Variants in TMEM132D observed in about 807,000 individuals in gnomAD.
The protein encoded by TMEM132D is mature OL transmembrane protein.
A neutral mutation model predicts 62.3 loss-of-function variants in TMEM132D; 21 were observed. The ratio of observed to expected loss-of-function variants is 0.34; its 90% CI spans 0.24 to 0.49. TMEM132D has a LOEUF of 0.49. TMEM132D is among the 20% of genes least tolerant of loss of function. The probability of loss-of-function intolerance (pLI) is 0.99; values close to 1 mark genes in which losing one functional copy is unlikely to be tolerated. For missense variants in TMEM132D, 1,346 were observed against 1,402.8 expected (o/e 0.96, Z 0.65); for synonymous variants, 621 against 575.6 (o/e 1.08, Z -1.13).
At chr12:129,681,556 T>A (rs149743292) in intron 2 of TMEM132D, 131 of 152,352 alleles carry the variant, frequency 8.6e-4, no homozygotes, top group African/African-American at 3.1e-3. Context: ...GGATTTCTAA[T>A]ATGCTGGCTC....
intron 3 of TMEM132D, among the ~76,000 whole-genome samples, chr12:129,432,635 G>A (rs1872693622): frequency 6.6e-6 from 1 of 152,210 alleles, no homozygotes; most frequent in East Asian, 1.9e-4. Context: ...ACCAAGAGTA[G>A]ACATTTGCAG....
chr12:129,663,814 G>T (rs146319022), intron 2 of TMEM132D, among the ~76,000 whole-genome samples: 1 of 152,116 alleles, frequency 6.6e-6, no homozygotes, highest in Non-Finnish European at 1.5e-5. Context: ...CACAAAATAC[G>T]CTGCTTTGCA....
At chr12:129,136,174 G>A (rs1366695506) in intron 5 of TMEM132D, among the ~76,000 whole-genome samples, 2 of 152,134 alleles carry the variant, frequency 1.3e-5, no homozygotes, top group South Asian at 2.1e-4. Flanking sequence ...TAGAATTAAA[G>A]AGGAGTTGAA....
intron 1 of TMEM132D, among the ~76,000 whole-genome samples, chr12:129,745,632 C>T (rs567203546): frequency 3.0e-4 from 45 of 152,324 alleles, no homozygotes; most frequent in African/African-American, 1.0e-3. Flanking sequence ...TAACACTAAA[C>T]AGTTACCATC....
chr12:129,662,791 CAAAAAAAAAAAAAA>C (rs34743737), intron 2 of TMEM132D, among the ~76,000 whole-genome samples: 3 of 69,404 alleles, frequency 4.3e-5, no homozygotes, highest in African/African-American at 1.6e-4. Context: ...GATTCCATCT[CAAAAAAAAAAAAAA>C]AAAAAAAAGA....
At chr12:129,607,395 A>C (rs2137148136) in intron 2 of TMEM132D, among the ~76,000 whole-genome samples, 1 of 152,294 alleles carries the variant, frequency 6.6e-6, no homozygotes, top group South Asian at 2.1e-4. Context: ...GGCATGCAGA[A>C]TTCCTACGAA....
chr12:129,726,452 A>C (rs1367369062), intron 1 of TMEM132D, among the ~76,000 whole-genome samples: 1 of 152,164 alleles, frequency 6.6e-6, no homozygotes, highest in African/African-American at 2.4e-5. Context: ...GCCTCAGCTC[A>C]TGAAAGGCAT....
intron 4 of TMEM132D, among the ~76,000 whole-genome samples, chr12:129,246,718 A>T (rs1016487065): frequency 6.6e-6 from 1 of 151,968 alleles, no homozygotes; most frequent in African/African-American, 2.4e-5. Context: ...GTGAGCTGAG[A>T]TCACACCACT....
intron 2 of TMEM132D, among the ~76,000 whole-genome samples, chr12:129,596,822 C>T (rs1013200412): frequency 4.6e-5 from 7 of 151,956 alleles, no homozygotes; most frequent in Non-Finnish European, 8.8e-5. Context: ...ATCCACCCCC[C>T]GCCAATAAAG....
At chr12:129,680,125 T>G (rs1056794352) in intron 2 of TMEM132D, among the ~76,000 whole-genome samples, 2 of 152,236 alleles carry the variant, frequency 1.3e-5, no homozygotes, top group African/African-American at 4.8e-5. Context: ...CTGAGTTCAC[T>G]CAACTCTGTG....
intron 4 of TMEM132D, among the ~76,000 whole-genome samples, chr12:129,215,955 C>T (rs966498690): frequency 1.5e-4 from 23 of 152,182 alleles, no homozygotes; most frequent in African/African-American, 4.3e-4. Flanking sequence ...GGAAACCGCC[C>T]GAATGCATGA....
At chr12:129,530,178 C>T (rs1187711573) in intron 3 of TMEM132D, among the ~76,000 whole-genome samples, 1 of 151,810 alleles carries the variant, frequency 6.6e-6, no homozygotes, top group Non-Finnish European at 1.5e-5. Flanking sequence ...CAAAAAAAAT[C>T]ATAATAGTTA....
chr12:129,513,986 C>T (rs372037242), intron 3 of TMEM132D, among the ~76,000 whole-genome samples: 17 of 151,010 alleles, frequency 1.1e-4, no homozygotes, highest in Admixed American at 2.6e-4. Context: ...TACAGGCGCC[C>T]GCCACCACGC....
intron 4 of TMEM132D, among the ~76,000 whole-genome samples, chr12:129,235,587 G>C (rs1293571274): frequency 2.0e-5 from 3 of 152,012 alleles, no homozygotes; most frequent in African/African-American, 4.8e-5. Context: ...ATCACAACTT[G>C]GTTCCATATT....
chr12:129,593,228 C>G (rs953137740), intron 2 of TMEM132D, among the ~76,000 whole-genome samples: 2 of 152,166 alleles, frequency 1.3e-5, no homozygotes, highest in Non-Finnish European at 2.9e-5. Context: ...TGCAAGAATA[C>G]TGGACTTTTT....
intron 2 of TMEM132D, among the ~76,000 whole-genome samples, chr12:129,570,873 CGAG>C (rs1332077217): frequency 6.6e-6 from 1 of 152,130 alleles, no homozygotes; most frequent in African/African-American, 2.4e-5. Flanking sequence ...CTGACATGAA[CGAG>C]GAGATCCCTG....
chr12:129,079,269 A>G (rs1565956485), intron 7 of TMEM132D, among the ~76,000 whole-genome samples: 1 of 152,212 alleles, frequency 6.6e-6, no homozygotes, highest in African/African-American at 2.4e-5. Flanking sequence ...ACTGGAGGCC[A>G]CACTGTACAC....
intron 3 of TMEM132D, among the ~76,000 whole-genome samples, chr12:129,445,562 G>A (rs1194329157): frequency 2.0e-5 from 3 of 152,094 alleles, no homozygotes; most frequent in Non-Finnish European, 4.4e-5. Flanking sequence ...CTAACCTAAA[G>A]GAAAGGGAGA....
At chr12:129,621,781 C>T (rs559214996) in intron 2 of TMEM132D, among the ~76,000 whole-genome samples, 6 of 152,194 alleles carry the variant, frequency 3.9e-5, no homozygotes, top group African/African-American at 2.4e-5. Flanking sequence ...GGCTAAATGA[C>T]TTGCTCAGAG....
Sources: allele counts gnomAD v4.1 joint callset (sites outside exome capture counted in the v4.1 genomes callset), GRCh38; gene constraint gnomAD v4.1.1; transcripts MANE v1.5; gene names NCBI Gene and HGNC (gene_info 2026-07-23, HGNC 2026-07-21).